Variants in IL1RAPL2 observed in about 807,000 individuals in gnomAD.
IL1RAPL2 encodes interleukin 1 receptor accessory protein like 2.
Under a neutral mutation model 44.1 loss-of-function variants are expected in IL1RAPL2, and 3 were observed. That is an observed-to-expected ratio of 0.07 (90% CI 0.03 to 0.18). The LOEUF is 0.18. IL1RAPL2 is among the 10% of genes least tolerant of loss of function. IL1RAPL2 has a pLI of 1.00. For missense variants in IL1RAPL2, 391 were observed against 496.4 expected (o/e 0.79, Z 2.02); for synonymous variants, 181 against 178.8 (o/e 1.01, Z -0.10).
chrX:105,347,538 GCT>G (rs772486865), intron 5 of IL1RAPL2, among the ~76,000 whole-genome samples: 4 of 100,267 alleles, frequency 4.0e-5, no homozygotes, highest in South Asian at 9.2e-4. Flanking sequence ...TCCTCCTCCC[GCT>G]CTTCCCTCTC....
At chrX:104,631,528 A>C (rs1458564789) in intron 1 of IL1RAPL2, among the ~76,000 whole-genome samples, 22 of 111,406 alleles carry the variant, frequency 2.0e-4, no homozygotes, top group Middle Eastern at 4.6e-3. Flanking sequence ...AATGATCGCC[A>C]TTCTAACTGG....
At chrX:105,743,873 T>C (rs759869845) in intron 8 of IL1RAPL2, among the ~76,000 whole-genome samples, 51 of 112,500 alleles carry the variant, frequency 4.5e-4, no homozygotes, top group Non-Finnish European at 7.9e-4. Context: ...ATGTCTTCCC[T>C]GAATTAGCTA....
chrX:105,244,718 CA>C (rs757793360), intron 4 of IL1RAPL2, among the ~76,000 whole-genome samples: 2 of 112,066 alleles, frequency 1.8e-5, no homozygotes, highest in South Asian at 7.4e-4. Context: ...CTTCTGGTGC[CA>C]TCTGTTAAAA....
intron 2 of IL1RAPL2, among the ~76,000 whole-genome samples, chrX:104,703,765 A>G (rs1312076173): frequency 8.9e-6 from 1 of 112,513 alleles, no homozygotes; most frequent in Non-Finnish European, 1.9e-5. Flanking sequence ...GTGAAAACAC[A>G]GAGGCCGAGA....
intron 3 of IL1RAPL2, among the ~76,000 whole-genome samples, chrX:105,196,490 G>A (rs782725404): frequency 4.2e-4 from 47 of 110,960 alleles, no homozygotes; most frequent in African/African-American, 1.4e-3. Flanking sequence ...AATGCGTCTA[G>A]ATTTCTCAGC....
intron 5 of IL1RAPL2, among the ~76,000 whole-genome samples, chrX:105,300,667 C>A (rs2034689936): frequency 9.0e-6 from 1 of 110,816 alleles, no homozygotes; most frequent in East Asian, 2.8e-4. Context: ...TGCCAAAATG[C>A]CATATTTGGG....
At chrX:104,586,174 A>T (rs1159382260) in intron 1 of IL1RAPL2, among the ~76,000 whole-genome samples, 1 of 111,093 alleles carries the variant, frequency 9.0e-6, no homozygotes, top group Non-Finnish European at 1.9e-5. Context: ...GTGGGTTCTG[A>T]TTTGCATTTC....
At chrX:105,315,880 G>T (rs1603061572) in intron 5 of IL1RAPL2, among the ~76,000 whole-genome samples, 1 of 108,443 alleles carries the variant, frequency 9.2e-6, no homozygotes, top group Admixed American at 1.0e-4. Flanking sequence ...GTTTTCTGTT[G>T]TGCATTCCTT....
At chrX:104,749,684 C>A (rs1375127597) in intron 2 of IL1RAPL2, among the ~76,000 whole-genome samples, 2 of 111,109 alleles carry the variant, frequency 1.8e-5, no homozygotes, top group East Asian at 2.8e-4. Context: ...TTCCTTTGAG[C>A]TTTTGGGTGA....
intron 5 of IL1RAPL2, among the ~76,000 whole-genome samples, chrX:105,358,465 C>T (rs1237301166): frequency 1.8e-5 from 2 of 108,588 alleles, no homozygotes; most frequent in Admixed American, 1.0e-4. Context: ...CACTTGAGCT[C>T]AGGAGTTCAA....
At chrX:105,297,638 G>T (rs1395452260) in intron 5 of IL1RAPL2, among the ~76,000 whole-genome samples, 1 of 110,830 alleles carries the variant, frequency 9.0e-6, no homozygotes, top group Non-Finnish European at 1.9e-5. Flanking sequence ...CACAAGAACA[G>T]GGTGGGGGAA....
At chrX:105,514,904 T>G (rs181693341) in intron 6 of IL1RAPL2, among the ~76,000 whole-genome samples, 1 of 111,333 alleles carries the variant, frequency 9.0e-6, no homozygotes, top group East Asian at 2.8e-4. Context: ...TCAAATCAAT[T>G]GAATCAGGGT....
intron 3 of IL1RAPL2, among the ~76,000 whole-genome samples, chrX:105,231,879 CAATT>C (rs2034074394): frequency 8.9e-6 from 1 of 111,880 alleles, no homozygotes; most frequent in Admixed American, 9.5e-5. Context: ...AAAAAGAGCT[CAATT>C]GATTGAGCTA....
intron 6 of IL1RAPL2, among the ~76,000 whole-genome samples, chrX:105,503,335 C>T (rs1435435911): frequency 9.0e-6 from 1 of 110,930 alleles, no homozygotes; most frequent in Non-Finnish European, 1.9e-5. Flanking sequence ...TTGTACTCCC[C>T]AAAAGTTCCC....
At chrX:105,078,387 T>C (rs2032344778) in intron 2 of IL1RAPL2, among the ~76,000 whole-genome samples, 1 of 111,131 alleles carries the variant, frequency 9.0e-6, no homozygotes, top group Non-Finnish European at 1.9e-5. Context: ...TGATCGTTCT[T>C]CTGGAAGTTT....
chrX:104,804,968 C>G (rs903364548), intron 2 of IL1RAPL2, among the ~76,000 whole-genome samples: 7 of 112,102 alleles, frequency 6.2e-5, no homozygotes, highest in Admixed American at 1.9e-4. Context: ...ATGAATGGCA[C>G]AGACAAGTGT....
intron 2 of IL1RAPL2, among the ~76,000 whole-genome samples, chrX:104,733,259 C>T (rs1931954888): frequency 9.0e-6 from 1 of 111,055 alleles, no homozygotes; most frequent in Non-Finnish European, 1.9e-5. Context: ...CAACCCAAAA[C>T]TTATTGTGAA....
chrX:104,933,701 A>G (rs778226255), intron 2 of IL1RAPL2, among the ~76,000 whole-genome samples: 2 of 111,724 alleles, frequency 1.8e-5, no homozygotes, highest in South Asian at 3.8e-4. Flanking sequence ...AGAGGATCCA[A>G]TCTTAGTCCA....
intron 5 of IL1RAPL2, among the ~76,000 whole-genome samples, chrX:105,434,447 C>A (rs1373349253): frequency 8.9e-6 from 1 of 112,261 alleles, no homozygotes; most frequent in African/African-American, 3.2e-5. Context: ...AAACTGGGAA[C>A]AGACTAAATG....
Sources: gnomAD v4.1 joint callset for allele counts (sites outside exome capture counted in the v4.1 genomes callset) on GRCh38, gnomAD v4.1.1 for gene constraint, MANE v1.5 for transcripts, NCBI Gene and HGNC (gene_info 2026-07-23, HGNC 2026-07-21) for gene names.